Variants in TNIP3 observed in about 807,000 individuals in gnomAD.
TNIP3 encodes the protein TNFAIP3-interacting protein 3.
TNIP3 carries 34 observed loss-of-function variants against 54.1 expected under a neutral mutation model. The ratio of observed to expected loss-of-function variants is 0.63; its 90% confidence interval spans 0.48 to 0.84. TNIP3 has a LOEUF of 0.84. Ranked by LOEUF, TNIP3 falls within the 40% of genes least tolerant of loss-of-function variation. The pLI is 0.00. For missense variants in TNIP3, 366 were observed against 387.6 expected, an observed-to-expected ratio of 0.94 and a Z score of 0.47; for synonymous variants, 134 against 136.8, an observed-to-expected ratio of 0.98 and a Z score of 0.14.
chr4:121,145,859 A>G (rs980923358), intron 7 of TNIP3, among the ~76,000 whole-genome samples: 1 of 151,756 alleles, frequency 6.6e-6, no homozygotes, highest in Admixed American at 6.6e-5. Flanking sequence ...ATACAAAAAA[A>G]TTAGCTACTT....
intron 10 of TNIP3, chr4:121,137,834 AAGTT>A: frequency 2.5e-6 from 1 of 400,352 alleles, no homozygotes; most frequent in Non-Finnish European, 5.0e-6. Flanking sequence ...GGAAATTAAC[AAGTT>A]AGAGTCCCAG....
intron 1 of TNIP3, among the ~76,000 whole-genome samples, chr4:121,225,493 C>A (rs1727218746): frequency 6.6e-6 from 1 of 152,188 alleles, no homozygotes; most frequent in African/African-American, 2.4e-5. Flanking sequence ...GTTCTAAGGT[C>A]TTTATCCTTC....
In TNIP3 at chr4:121,141,899, A is replaced by G; in HGVS notation, c.802T>C (p.Cys268Arg). 3 of 1,598,342 alleles carry G rather than the reference A, an allele frequency of 1.9e-6. No homozygotes were observed. Among genetic ancestry groups the G allele is most frequent in the Non-Finnish European group, 2.6e-6 (3 of 1,172,572 alleles). The change falls in exon 9 of 11, where the codon TGT (cysteine) becomes CGT (arginine). Residue 268 changes from cysteine (C) to arginine (R), a missense_variant. Physicochemically the swap from Cys to Arg is radical, Grantham distance 180. Transcript: ENST00000057513. ...AGGTGGAAAACCAAGCCGCAGTTACAGGGTGGGCAATACATCTGAGGAGAA... is the reference window on the plus strand; with the variant it reads ...AGGTGGAAAACCAAGCCGCAGTTACGGGGTGGGCAATACATCTGAGGAGAA... ...KQLKQMYCPPCNCGLVFHLQD... is the reference protein window; with the variant it reads ...KQLKQMYCPPRNCGLVFHLQD...
At chr4:121,223,463 A>G (rs1165695727) in intron 1 of TNIP3, among the ~76,000 whole-genome samples, 3 of 152,246 alleles carry the variant, frequency 2.0e-5, no homozygotes, top group Non-Finnish European at 4.4e-5. Flanking sequence ...AGTAGCTGAA[A>G]GATGGTTTTA....
At chr4:121,173,207 T>C (rs1724077805) in intron 3 of TNIP3, among the ~76,000 whole-genome samples, 1 of 152,336 alleles carries the variant, frequency 6.6e-6, no homozygotes, top group South Asian at 2.1e-4. Flanking sequence ...TGGAAAAGCA[T>C]CGCAGGAGCC....
chr4:121,161,998 C>G (rs2148815606), intron 1 of TNIP3, among the ~76,000 whole-genome samples: 1 of 152,278 alleles, frequency 6.6e-6, no homozygotes, highest in East Asian at 1.9e-4. Context: ...TATCTCATCT[C>G]AGAGTCATAT....
chr4:121,139,384 A>T (rs1728977228), intron 9 of TNIP3, among the ~76,000 whole-genome samples: 1 of 152,192 alleles, frequency 6.6e-6, no homozygotes, highest in Admixed American at 6.5e-5. Flanking sequence ...AATCATCAAG[A>T]TATCTCCAAG....
At chr4:121,151,331 T>C (rs1302820276) in intron 5 of TNIP3, among the ~76,000 whole-genome samples, 2 of 152,324 alleles carry the variant, frequency 1.3e-5, no homozygotes, top group East Asian at 3.9e-4. Flanking sequence ...TACTATATAA[T>C]ATGGTCATAA....
At position 121,182,675 on chromosome 4, in the gene TNIP3, C is replaced by T; in HGVS notation, c.189+1G>A. ...TAAGGAGAAAAAAGGTGTTTTCTTA[C>T]CTTCAGAGAACATAGATTTCTGTGA... On this transcript the variant is annotated splice_donor_variant, in intron 3 of 12. Transcript: ENST00000507879. LOFTEE classifies it high-confidence loss of function. 1 of 1,533,912 alleles carries T rather than the reference C, an allele frequency of 6.5e-7. No individual in the cohort carries two copies. The highest frequency in any genetic ancestry group is 8.7e-7 in the Non-Finnish European group (1 of 1,146,776).
chr4:121,206,538 T>TTGTGTGTGTGTGTGTGTGTGTGTGTG (rs140121953), intron 2 of TNIP3, among the ~76,000 whole-genome samples: 19 of 151,590 alleles, frequency 1.3e-4, no homozygotes, highest in African/African-American at 3.4e-4. Flanking sequence ...TTTGTATATA[T>TTGTGTGTGTGTGTGTGTGTGTGTGTG]TGTGTGTGTG....
chr4:121,155,438 T>G (rs1730025325), intron 4 of TNIP3, among the ~76,000 whole-genome samples: 1 of 152,232 alleles, frequency 6.6e-6, no homozygotes, highest in Non-Finnish European at 1.5e-5. Context: ...GAAAAGAGAA[T>G]AATCCTTAGG....
chr4:121,213,358 A>G (rs528779914), intron 2 of TNIP3, among the ~76,000 whole-genome samples: 23 of 152,298 alleles, frequency 1.5e-4, no homozygotes, highest in African/African-American at 5.3e-4. Context: ...CTTCAGATTA[A>G]AATGAATCAT....
Position 121,132,323 on chromosome 4 carries a change from T to A in TNIP3, c.*308A>T. On this transcript the variant is annotated 3_prime_UTR_variant, in exon 11 of 11. Coordinates refer to ENST00000057513, the MANE Select transcript of TNIP3 (RefSeq NM_024873.6). ...GTTGCCTAAATCATAGAATCATTTTTGTGCATCCAACAGCAATATGCTGAA... is the reference window on the plus strand; with the variant it reads ...GTTGCCTAAATCATAGAATCATTTTAGTGCATCCAACAGCAATATGCTGAA... 1 of 334,088 alleles carries A rather than the reference T, an allele frequency of 3.0e-6. No individual in the cohort carries two copies. Among genetic ancestry groups the A allele is most frequent in the Non-Finnish European group, 5.5e-6 (1 of 182,766 alleles). 20.7% of individuals were successfully genotyped at this position (334,088 alleles called of 1,614,324 possible). A position where few individuals can be genotyped will look rare whatever the true frequency, so the allele number is the denominator to read the frequency against.
intron 2 of TNIP3, chr4:121,216,278 T>C: frequency 1.5e-6 from 1 of 671,046 alleles, no homozygotes; most frequent in Non-Finnish European, 2.3e-6. Context: ...CGTCATCTTT[T>C]CCTTTTCTAT....
intron 3 of TNIP3, among the ~76,000 whole-genome samples, chr4:121,172,599 C>G (rs1011206653): frequency 6.6e-6 from 1 of 152,170 alleles, no homozygotes; most frequent in Non-Finnish European, 1.5e-5. Context: ...GTATGTTTGT[C>G]TCATACAATA....
intron 2 of TNIP3, among the ~76,000 whole-genome samples, chr4:121,186,136 G>A (rs541179653): frequency 3.3e-5 from 5 of 152,320 alleles, no homozygotes; most frequent in South Asian, 4.1e-4. Context: ...GAGACTGAGC[G>A]TGGTGACTAC....
At chr4:121,168,516 CTTTGCT>C, upstream of TNIP3, among the ~76,000 whole-genome samples, 2 of 115,210 alleles carry the variant, frequency 1.7e-5, no homozygotes, top group Non-Finnish European at 1.7e-5. Flanking sequence ...TTTTTCTTTT[CTTTGCT>C]TTTTTTTTTT....
chr4:121,167,870 T>A (rs1730849851), upstream of TNIP3, among the ~76,000 whole-genome samples: 1 of 152,192 alleles, frequency 6.6e-6, no homozygotes. Context: ...TCGAGACTCC[T>A]GTATTAATTG....
chr4:121,139,838 G>T (rs939708106), intron 9 of TNIP3, among the ~76,000 whole-genome samples: 2 of 152,188 alleles, frequency 1.3e-5, no homozygotes, highest in African/African-American at 4.8e-5. Context: ...GATAAGTGAC[G>T]TGAGCCTCAG....
Sources: gnomAD v4.1 joint callset for allele counts (sites outside exome capture counted in the v4.1 genomes callset) on GRCh38, gnomAD v4.1.1 for gene constraint, MANE v1.5 for transcripts, NCBI Gene and HGNC (gene_info 2026-07-23, HGNC 2026-07-21) for gene names.